Variants in LRSAM1 observed in about 807,000 individuals in gnomAD.
LRSAM1 encodes the protein E3 ubiquitin-protein ligase LRSAM1.
LRSAM1 carries 96 observed loss-of-function variants against 118.1 expected under a neutral mutation model. The ratio of observed to expected loss-of-function variants is 0.81; its 90% CI spans 0.69 to 0.96. LRSAM1 has a LOEUF of 0.96. Ranked by LOEUF, LRSAM1 falls within the 40% of genes least tolerant of loss-of-function variation. The pLI is 0.00. For missense variants in LRSAM1, 804 were observed against 915.5 expected, an observed-to-expected ratio of 0.88 and a Z score of 1.57; for synonymous variants, 322 against 364.2, an observed-to-expected ratio of 0.88 and a Z score of 1.32.
chr9:127,491,384 C>T lies in LRSAM1; in HGVS notation c.1503+89C>T, dbSNP rs1835928008. On this transcript the variant is annotated intron_variant, in intron 20 of 25. Transcript: ENST00000300417. ...CCAGCCTCTGGCAGCTGCTCACCAG[C>T]CCCTGGGAGTCAAGGGCTTCCCCAG... is the stretch of plus-strand genomic sequence containing the variant. 3 of 1,025,940 alleles carry T rather than the reference C, an allele frequency of 2.9e-6. No homozygotes were observed. The Admixed American group carries it at 5.6e-5, about 19-fold the overall frequency. 63.6% of individuals were successfully genotyped at this position (1,025,940 alleles called of 1,614,324 possible). A position where few individuals can be genotyped will look rare whatever the true frequency, so the allele number is the denominator to read the frequency against.
rs763481860 is a variant in LRSAM1 at position 127,492,876 on chromosome 9, G to A, written c.1578G>A (p.Glu526=). The change falls in exon 21 of 26, where the codon GAG becomes GAA. Residue 526 remains glutamate, a synonymous_variant. Transcript: ENST00000300417. ...TGCTCAAAGAGAAGCAGCAGCGAGA[G>A]GAAGAGCTCCGGGAAATCCTGGTAT... ...QQLLKEKQQR[E]EELREILTEL... 6.2e-7 allele frequency: 1 copy of A among 1,614,088 alleles called. No individual in the cohort carries two copies. Among genetic ancestry groups the A allele is most frequent in the Non-Finnish European group, 8.5e-7 (1 of 1,180,038 alleles).
At chr9:127,487,465 C>T in intron 17 of LRSAM1, 1 of 524,002 alleles carries the variant, frequency 1.9e-6, no homozygotes, top group Non-Finnish European at 3.5e-6. Flanking sequence ...ATCTCTCTCC[C>T]AGCTCCCAAC....
At chr9:127,492,995 A>C in intron 21 of LRSAM1, 98 bp downstream of exon 21, 4 of 1,003,834 alleles carry the variant, frequency 4.0e-6, no homozygotes, top group Middle Eastern at 4.0e-4. Flanking sequence ...AGTAAGAGTT[A>C]TTCATCAAAG....
intron 10 of LRSAM1, among the ~76,000 whole-genome samples, chr9:127,471,534 C>T (rs542799580): frequency 3.4e-4 from 50 of 148,014 alleles, no homozygotes; most frequent in Non-Finnish European, 3.4e-4. Flanking sequence ...CGCCTGTAAT[C>T]CCAGCACTTT....
At chr9:127,461,054 C>G (rs1834722273) in intron 7 of LRSAM1, 119 bp from the exon 8 acceptor site, 1 of 657,678 alleles carries the variant, frequency 1.5e-6, no homozygotes, top group Non-Finnish European at 2.7e-6. Flanking sequence ...TGGGATTTCA[C>G]TATGTTGGCC....
chr9:127,479,171 A>G (rs1449378395), intron 12 of LRSAM1, among the ~76,000 whole-genome samples: 2 of 152,128 alleles, frequency 1.3e-5, no homozygotes, highest in African/African-American at 4.8e-5. Flanking sequence ...TGAGGCTCAG[A>G]GGGGTTGAGC....
intron 10 of LRSAM1, 133 bp from the exon 11 acceptor site, chr9:127,473,668 C>A: frequency 7.8e-7 from 1 of 1,275,978 alleles, no homozygotes; most frequent in Non-Finnish European, 1.1e-6. Flanking sequence ...AAACACGAAG[C>A]GCCCAGGCTA....
chr9:127,481,066 G>A (rs1175000604), intron 14 of LRSAM1, 117 bp from the exon 15 acceptor site: 6 of 1,019,528 alleles, frequency 5.9e-6, no homozygotes, highest in African/African-American at 1.6e-5. Context: ...GAGCTTCAAG[G>A]TGGTGGAGCC....
At chr9:127,474,048 C>T (rs1396670865) in intron 11 of LRSAM1, 117 bp downstream of exon 11, 1 of 1,502,820 alleles carries the variant, frequency 6.7e-7, no homozygotes, top group African/African-American at 1.4e-5. Context: ...CTCCCAGATT[C>T]CTCCATAGAA....
At chr9:127,481,452 G>T (rs1195072085) in intron 15 of LRSAM1, among the ~76,000 whole-genome samples, 6 of 151,920 alleles carry the variant, frequency 3.9e-5, no homozygotes, top group Non-Finnish European at 7.4e-5. Flanking sequence ...GTTTCACCGT[G>T]TTAACCAGGA....
chr9:127,494,181 CT>C (rs1449504859), intron 21 of LRSAM1, among the ~76,000 whole-genome samples: 1 of 152,234 alleles, frequency 6.6e-6, no homozygotes, highest in Non-Finnish European at 1.5e-5. Flanking sequence ...CTCCTGGGCG[CT>C]GGAAGAGAGG....
intron 16 of LRSAM1, among the ~76,000 whole-genome samples, chr9:127,484,684 T>C (rs924149285): frequency 1.3e-5 from 2 of 152,148 alleles, no homozygotes; most frequent in Non-Finnish European, 2.9e-5. Flanking sequence ...TCCATTCATC[T>C]ATCAGTGGGA....
At chr9:127,488,772 G>C (rs1358195078) in intron 18 of LRSAM1, among the ~76,000 whole-genome samples, 1 of 150,766 alleles carries the variant, frequency 6.6e-6, no homozygotes, top group Admixed American at 6.6e-5. Flanking sequence ...TTTATTTTTT[G>C]TAGAGACAGA....
chr9:127,476,511 T>C (rs1256767336), intron 11 of LRSAM1, among the ~76,000 whole-genome samples: 1 of 151,734 alleles, frequency 6.6e-6, no homozygotes, highest in Non-Finnish European at 1.5e-5. Flanking sequence ...ATTACACCAC[T>C]GCACCCCATC....
At chr9:127,492,762 C>CG in intron 20 of LRSAM1, 40 bp from the exon 21 acceptor site, 7 of 1,594,266 alleles carry the variant, frequency 4.4e-6, no homozygotes, top group Non-Finnish European at 6.0e-6. Context: ...CCTGCGCTGC[C>CG]GCCAGCTCAC....
intron 15 of LRSAM1, among the ~76,000 whole-genome samples, chr9:127,481,461 G>A (rs1257718513): frequency 6.6e-6 from 1 of 151,902 alleles, no homozygotes; most frequent in Non-Finnish European, 1.5e-5. Flanking sequence ...TGTTAACCAG[G>A]ATGGTTTCGA....
intron 24 of LRSAM1, among the ~76,000 whole-genome samples, chr9:127,498,446 A>G (rs1836240095): frequency 6.6e-6 from 1 of 152,226 alleles, no homozygotes; most frequent in South Asian, 2.1e-4. Context: ...AGGAGCCACA[A>G]ACAAACAGGT....
chr9:127,494,710 G>A (rs1254899149), intron 21 of LRSAM1, among the ~76,000 whole-genome samples: 6 of 152,152 alleles, frequency 3.9e-5, no homozygotes, highest in Admixed American at 1.3e-4. Flanking sequence ...TTGGGAGGCC[G>A]AGGTGGGCAG....
At position 127,479,413 on chromosome 9, in the gene LRSAM1, G is replaced by A; in HGVS notation, c.811G>A (p.Glu271Lys). 2 of 1,614,136 alleles carry A rather than the reference G, an allele frequency of 1.2e-6. No homozygotes were observed. Among genetic ancestry groups the A allele is most frequent in the Non-Finnish European group, 1.7e-6 (2 of 1,180,030 alleles). Residue 271 changes from glutamate (E) to lysine (K), a missense_variant, in exon 13 of 26, where the codon GAA becomes AAA. Transcript: ENST00000300417. ...GAAGATGCTGGAGAAACTCGAGTTT[G>A]AACGGCGCCTGGAACTGGGGCAGCG... ...EQKMLEKLEF[E>K]RRLELGQREH...
Sources: allele counts gnomAD v4.1 joint callset (sites outside exome capture counted in the v4.1 genomes callset), GRCh38; gene constraint gnomAD v4.1.1; transcripts MANE v1.5; gene names NCBI Gene and HGNC (gene_info 2026-07-23, HGNC 2026-07-21).